The following PDS5A variants were observed in gnomAD, a reference collection of about 807,000 sequenced individuals.
PDS5A encodes the protein sister chromatid cohesion protein PDS5 homolog A.
Under a neutral mutation model 167.1 loss-of-function variants are expected in PDS5A, and 42 were observed. The observed-to-expected ratio is 0.25, with a 90% confidence interval of 0.20 to 0.33. The LOEUF is 0.33. Among genes scored for constraint, PDS5A ranks in the 10% least tolerant of loss-of-function variants. The pLI, the probability that PDS5A is intolerant of heterozygous loss-of-function variation, is 1.00. For synonymous variants in PDS5A, 553 were observed against 554.6 expected, an observed-to-expected ratio of 1.00 and a Z score of 0.04; for missense variants, 1,033 against 1,605.9, an observed-to-expected ratio of 0.64 and a Z score of 6.10.
chr4:39,916,933 C>A, intron 8 of PDS5A, 115 bp downstream of exon 8: 1 of 493,548 alleles, frequency 2.0e-6, no homozygotes, highest in South Asian at 4.9e-5. Flanking sequence ...AAAAATTATG[C>A]GGTATACATT....
intron 10 of PDS5A, among the ~76,000 whole-genome samples, chr4:39,909,876 T>C (rs1436105632): frequency 6.6e-6 from 1 of 152,130 alleles, no homozygotes; most frequent in Non-Finnish European, 1.5e-5. Context: ...TCTACCCAAA[T>C]CCAATGTCTT....
chr4:39,848,968 T>C lies in PDS5A; in HGVS notation c.3222A>G (p.Lys1074=). The C allele has an allele frequency of 6.3e-7, 1 of 1,584,822 alleles. No individual in the cohort carries two copies. Among genetic ancestry groups the C allele is most frequent in the South Asian group, 1.2e-5 (1 of 86,710 alleles). ...QSPDESKTNE[K]LYTVCDVALC... ...GAGCCACATCACATACTGTATACAG[T>C]TTCTAGGGAGGAAAACGAATCATAT... The change falls in exon 28 of 33, where the codon AAA becomes AAG. Residue 1074 remains lysine, a splice_region_variant and synonymous_variant. Transcript: ENST00000303538.
intron 32 of PDS5A, among the ~76,000 whole-genome samples, chr4:39,826,545 G>A (rs1043117984): frequency 6.0e-5 from 9 of 150,620 alleles, no homozygotes; most frequent in Admixed American, 4.0e-4. Context: ...GAGTGCAGTG[G>A]TGTGATCTGG....
At position 39,928,222 on chromosome 4, in the gene PDS5A, A is replaced by T. The variant is rs117122657; in HGVS notation, c.139-58T>A. ...ACTCCTGGAATTTAGAAATCAGTGG[A>T]GGATGTGATTTAAAAAAAAAAAAGT... On this transcript the variant is annotated intron_variant, in intron 2 of 32. Transcript: ENST00000303538. 2.8e-3 allele frequency: 3,290 copies of T among 1,154,872 alleles called. 71 individuals carry two copies. In the East Asian group the frequency reaches 0.034, roughly 12 times the overall value. The allele number at this position is 1,154,872 out of a possible 1,614,324, so 71.5% of individuals were successfully genotyped here.
At chr4:39,847,801 G>C (rs1001963783) in intron 28 of PDS5A, 2 of 152,082 alleles carry the variant, frequency 1.3e-5, no homozygotes, top group African/African-American at 4.8e-5. Flanking sequence ...ATGTGCATTT[G>C]GAGAATTCTC....
intron 2 of PDS5A, among the ~76,000 whole-genome samples, chr4:39,964,333 G>A (rs1729775295): frequency 6.6e-6 from 1 of 152,160 alleles, no homozygotes; most frequent in Admixed American, 6.5e-5. Context: ...TGGCTGACTG[G>A]CTGATTAAAT....
At chr4:39,830,555 A>G (rs939863049) in intron 32 of PDS5A, among the ~76,000 whole-genome samples, 2 of 152,130 alleles carry the variant, frequency 1.3e-5, no homozygotes, top group Non-Finnish European at 2.9e-5. Flanking sequence ...CCTCCTGAGT[A>G]GCTGAGATTA....
chr4:39,865,778 G>A (rs1719391187), intron 23 of PDS5A, among the ~76,000 whole-genome samples: 1 of 152,224 alleles, frequency 6.6e-6, no homozygotes, highest in African/African-American at 2.4e-5. Flanking sequence ...TGGGATTACA[G>A]GCGTAAGCCA....
At chr4:39,955,177 C>G (rs566754146) in intron 2 of PDS5A, among the ~76,000 whole-genome samples, 2 of 152,138 alleles carry the variant, frequency 1.3e-5, no homozygotes, top group Non-Finnish European at 2.9e-5. Flanking sequence ...TATGCTAAAT[C>G]TAACTTAGAG....
At chr4:39,898,676 T>C (rs1352512659) in intron 15 of PDS5A, 101 bp downstream of exon 15, 2 of 939,918 alleles carry the variant, frequency 2.1e-6, no homozygotes, top group Admixed American at 5.8e-5. Flanking sequence ...AGATAAAGAT[T>C]ATTTTCTTTT....
intron 10 of PDS5A, 68 bp downstream of exon 10, chr4:39,910,176 G>C: frequency 2.6e-6 from 2 of 784,260 alleles, no homozygotes; most frequent in Non-Finnish European, 4.3e-6. Context: ...GTGAAGTTAG[G>C]TCACAAGTCA....
chr4:39,920,538 C>G, intron 6 of PDS5A, 139 bp from the exon 7 acceptor site: 1 of 443,918 alleles, frequency 2.3e-6, no homozygotes, highest in East Asian at 3.8e-5. Context: ...ATAAAAATAA[C>G]TGAGTTCTCT....
In PDS5A at chr4:39,842,785, GA is replaced by G. The variant is rs77988478; in HGVS notation, c.3549-730del. On this transcript the variant is annotated intron_variant, in intron 30 of 32. Coordinates refer to ENST00000303538, the MANE Select transcript of PDS5A (RefSeq NM_001100399.2). Reference sequence around the variant, plus strand: ...TATATATCAAAATAAGTATGTTTATGAAAAAAATTGCAGGTAGAAATTCTTA... The same window carrying G: ...TATATATCAAAATAAGTATGTTTATGAAAAAATTGCAGGTAGAAATTCTTA... Among the ~76,000 whole-genome samples, 706 of 150,716 alleles carry G rather than the reference GA, an allele frequency of 4.7e-3. 29 individuals carry two copies. In the East Asian group the frequency reaches 0.096, roughly 20 times the overall value.
chr4:39,844,925 G>A, intron 29 of PDS5A, 124 bp from the exon 30 acceptor site: 1 of 1,032,442 alleles, frequency 9.7e-7, no homozygotes, highest in African/African-American at 1.6e-5. Flanking sequence ...TACCAGAAAT[G>A]TTCATTCTGG....
intron 21 of PDS5A, among the ~76,000 whole-genome samples, chr4:39,870,683 A>G (rs1719950506): frequency 6.6e-6 from 1 of 152,180 alleles, no homozygotes; most frequent in Non-Finnish European, 1.5e-5. Flanking sequence ...GTAGTCAATA[A>G]GCACACAAAA....
intron 2 of PDS5A, among the ~76,000 whole-genome samples, chr4:39,939,266 A>T (rs917408078): frequency 2.6e-5 from 4 of 152,088 alleles, no homozygotes; most frequent in African/African-American, 9.7e-5. Flanking sequence ...GTTGGAGACC[A>T]ACCTGGGCAA....
At chr4:39,957,567 C>T (rs1409028499) in intron 2 of PDS5A, among the ~76,000 whole-genome samples, 4 of 151,934 alleles carry the variant, frequency 2.6e-5, no homozygotes, top group African/African-American at 9.7e-5. Context: ...GGGCGGACCA[C>T]GAGGTCAGGA....
At chr4:39,965,004 C>A (rs1729844320) in intron 2 of PDS5A, among the ~76,000 whole-genome samples, 1 of 152,112 alleles carries the variant, frequency 6.6e-6, no homozygotes, top group Admixed American at 6.6e-5. Flanking sequence ...CATACTTTGA[C>A]TTGTCACAAG....
intron 2 of PDS5A, among the ~76,000 whole-genome samples, chr4:39,955,882 A>G (rs1303790726): frequency 6.6e-6 from 1 of 152,092 alleles, no homozygotes; most frequent in Admixed American, 6.6e-5. Flanking sequence ...TGGGGGGCCA[A>G]GGCAGGTGGA....
Sources: gnomAD v4.1 joint callset for allele counts (sites outside exome capture counted in the v4.1 genomes callset) on GRCh38, gnomAD v4.1.1 for gene constraint, MANE v1.5 for transcripts, NCBI Gene and HGNC (gene_info 2026-07-23, HGNC 2026-07-21) for gene names.